The following EPS8L2 variants were observed in gnomAD, a reference collection of about 807,000 sequenced individuals.
EPS8L2 encodes epidermal growth factor receptor kinase substrate 8-like protein 2.
A neutral mutation model predicts 99.4 loss-of-function variants in EPS8L2; 81 were observed. The ratio of observed to expected loss-of-function variants is 0.82; its 90% confidence interval spans 0.68 to 0.98. The LOEUF is 0.98. Ranked by LOEUF, EPS8L2 falls within the 50% of genes least tolerant of loss-of-function variation. The pLI is 0.00. For synonymous variants in EPS8L2, 509 were observed against 407.3 expected (o/e 1.25, Z -3.01); for missense variants, 1,155 against 968.8 (o/e 1.19, Z -2.55).
chr11:726,592 C>T (rs1323683085), intron 19 of EPS8L2, 27 bp from the exon 20 acceptor site: 2 of 1,537,550 alleles, frequency 1.3e-6, no homozygotes, highest in African/African-American at 1.4e-5. Context: ...CACAGCGCGG[C>T]CCTGACGCCC....
intron 9 of EPS8L2, 54 bp downstream of exon 9, chr11:721,406 A>G: frequency 6.6e-7 from 1 of 1,525,482 alleles, no homozygotes. Context: ...CCAGCAGTGG[A>G]CACTGGTCCT....
At chr11:718,761 T>C (rs28794596) in intron 4 of EPS8L2, among the ~76,000 whole-genome samples, 94,658 of 150,548 alleles carry the variant, frequency 0.63, 31,695 homozygotes, top group African/African-American at 0.86. Context: ...CTCCGCCTCC[T>C]GGGTTCACGC....
In EPS8L2 at chr11:723,371, T is replaced by G. The variant is rs373311506; in HGVS notation, c.1454+18T>G. ...ACTCACAGGTAAGCCCCCCTCAAAG[T>G]GAGGGAGCATGAAAGTGAAACCCTT... On this transcript the variant is annotated intron_variant, in intron 15 of 20. Coordinates refer to ENST00000318562, the MANE Select transcript of EPS8L2 (RefSeq NM_022772.4). The G allele has an allele frequency of 2.6e-6, 3 of 1,161,510 alleles. No individual in the cohort carries two copies. Among genetic ancestry groups the G allele is most frequent in the Non-Finnish European group, 3.7e-6 (3 of 817,482 alleles). 72.0% of individuals were successfully genotyped at this position (1,161,510 alleles called of 1,614,324 possible).
rs934957546 is a variant in EPS8L2 at position 720,736 on chromosome 11, A to G, written c.467A>G (p.Asp156Gly). Reference protein sequence around the residue: ...SKPDVHFFHCDEVEAELVHED... With the variant: ...SKPDVHFFHCGEVEAELVHED... ...CCGGATGTCCACTTCTTCCACTGCG[A>G]TGAGGTGGAGGTGAGGCGGTGCCGG... Residue 156 changes from aspartate to glycine, a missense_variant, in exon 6 of 21, where the codon GAT (aspartate) becomes GGT (glycine). Physicochemically the swap from Asp to Gly is moderately conservative, Grantham distance 94. Transcript: ENST00000318562. 1 of 1,361,440 alleles carries G rather than the reference A, an allele frequency of 7.3e-7. No individual in the cohort carries two copies. Among genetic ancestry groups the G allele is most frequent in the Non-Finnish European group, 9.9e-7 (1 of 1,014,116 alleles). 84.3% of individuals were successfully genotyped at this position (1,361,440 alleles called of 1,614,324 possible). A position where few individuals can be genotyped will look rare whatever the true frequency, so the allele number is the denominator to read the frequency against.
chr11:722,701 C>T lies in EPS8L2; in HGVS notation c.1237C>T (p.Pro413Ser), dbSNP rs776268694. 7 of 1,608,734 alleles carry T rather than the reference C, an allele frequency of 4.4e-6. No homozygotes were observed. The South Asian group carries it at 7.8e-5, about 18-fold the overall frequency. Reference protein sequence around the residue: ...RSEWPREPQVPLYVPKFHSGW... With the variant: ...RSEWPREPQVSLYVPKFHSGW... Reference sequence around the variant, plus strand: ...CGAGTGGCCGCGGGAGCCACAGGTGCCCCTCTACGTGCCCAAGTTCCACAG... The same window carrying T: ...CGAGTGGCCGCGGGAGCCACAGGTGTCCCTCTACGTGCCCAAGTTCCACAG... Residue 413 changes from proline to serine, a missense_variant, in exon 14 of 21, where the codon CCC becomes TCC. Pro to Ser is a moderately conservative substitution (Grantham distance 74, BLOSUM62 -1). Coordinates refer to ENST00000318562, the MANE Select transcript of EPS8L2 (RefSeq NM_022772.4).
chr11:711,472 A>G (rs779621103), intron 4 of EPS8L2, among the ~76,000 whole-genome samples: 33 of 151,932 alleles, frequency 2.2e-4, no homozygotes, highest in Admixed American at 7.9e-4. Context: ...CAGCCTCCCC[A>G]GTAGCTGGGC....
In EPS8L2 at chr11:724,830, G is replaced by C. The variant is rs1419320911; in HGVS notation, c.1560+1G>C. ...GGTGCTCAAGGATGAGGTCCTAGAGGTGAGGGGCTGGAGGACGGGGTCCAA... is the reference window on the plus strand; with the variant it reads ...GGTGCTCAAGGATGAGGTCCTAGAGCTGAGGGGCTGGAGGACGGGGTCCAA... On this transcript the variant is annotated splice_donor_variant, in intron 16 of 20. Transcript: ENST00000318562. LOFTEE classifies it high-confidence loss of function. This position sits in a 1 kb window ranked among gnomAD's most constrained non-coding sequence, Gnocchi z 5.5. 1.9e-6 allele frequency: 3 copies of C among 1,606,152 alleles called. No individual in the cohort carries two copies. The highest frequency in any genetic ancestry group is 2.6e-6 in the Non-Finnish European group (3 of 1,173,402).
chr11:722,842 C>T (rs1862221231), intron 14 of EPS8L2, 37 bp downstream of exon 14: 2 of 1,432,826 alleles, frequency 1.4e-6, no homozygotes, highest in Non-Finnish European at 9.3e-7. Flanking sequence ...TACCCCAGCC[C>T]CAACACCCAC....
At chr11:722,924 ACCCCTCCCCAGTGCT>A (rs1862227276) in intron 14 of EPS8L2, 119 bp downstream of exon 14, 6 of 253,264 alleles carry the variant, frequency 2.4e-5, no homozygotes, top group Non-Finnish European at 1.9e-5. Flanking sequence ...CCTGACACCC[ACCCCTCCCCAGTGCT>A]CCCCTCCCCA....
At chr11:722,206 C>A in intron 12 of EPS8L2, 41 bp downstream of exon 12, 1 of 1,597,082 alleles carries the variant, frequency 6.3e-7, no homozygotes, top group East Asian at 2.2e-5. Flanking sequence ...GGGTGGGGGC[C>A]CAGAGGCCTC....
At chr11:720,943 CGGGG>C in intron 7 of EPS8L2, 34 bp downstream of exon 7, 2 of 502,466 alleles carry the variant, frequency 4.0e-6, no homozygotes, top group South Asian at 2.3e-5. Flanking sequence ...TCGCAGGGGG[CGGGG>C]AGGGGAGGAG....
chr11:722,537 G>T lies in EPS8L2; in HGVS notation c.1196G>T (p.Trp399Leu). ...CTGTGGGAGTCACTGGGAGAGAGCT[G>T]GATGCGGCCCCGGTAGGGCAGGGCA... Reference protein sequence around the residue: ...MSLWESLGESWMRPRSEWPRE... With the variant: ...MSLWESLGESLMRPRSEWPRE... Residue 399 changes from tryptophan (W) to leucine (L), a missense_variant, in exon 13 of 21, where the codon TGG becomes TTG. Coordinates refer to ENST00000318562, the MANE Select transcript of EPS8L2 (RefSeq NM_022772.4). 6.2e-7 allele frequency: 1 copy of T among 1,613,076 alleles called. No homozygotes were observed.
Position 724,730 on chromosome 11 carries a change from C to T in EPS8L2, c.1461C>T (p.Tyr487=). The change falls in exon 16 of 21, where the codon TAC becomes TAT. Residue 487 remains tyrosine (Y), a synonymous_variant. Transcript: ENST00000318562. This position sits in a 1 kb window ranked among gnomAD's most constrained non-coding sequence, Gnocchi z 5.5. ...PVSSPHTHRG[Y]QPTPAMAKYV... is the part of the protein sequence containing the mutation. ...CCCCTCCTGTTCCTCACAGGGGCTA[C>T]CAGCCAACACCAGCCATGGCCAAGT... The T allele has an allele frequency of 6.2e-7, 1 of 1,612,724 alleles. No individual in the cohort carries two copies. Among genetic ancestry groups the T allele is most frequent in the Non-Finnish European group, 8.5e-7 (1 of 1,179,452 alleles).
At chr11:715,627 T>G (rs533183531) in intron 4 of EPS8L2, among the ~76,000 whole-genome samples, 24 of 145,284 alleles carry the variant, frequency 1.7e-4, no homozygotes, top group East Asian at 1.2e-3. Context: ...TGTTTTTTTT[T>G]TTTTTTTTTT....
At chr11:710,148 A>T in intron 3 of EPS8L2, 1 of 455,948 alleles carries the variant, frequency 2.2e-6, no homozygotes, top group Non-Finnish European at 4.0e-6. Context: ...CGGGACAGAA[A>T]CCCCCCGGGC....
chr11:718,705 G>C (rs1273328500), intron 4 of EPS8L2, among the ~76,000 whole-genome samples: 1 of 143,320 alleles, frequency 7.0e-6, no homozygotes, highest in Non-Finnish European at 1.5e-5. Flanking sequence ...GTCTCACTCT[G>C]TCGCCCAGGC....
At chr11:707,016 G>A (rs1341737301) in intron 1 of EPS8L2, among the ~76,000 whole-genome samples, 2 of 151,934 alleles carry the variant, frequency 1.3e-5, no homozygotes, top group Non-Finnish European at 2.9e-5. Context: ...GGGAGGGGGA[G>A]GCAGGGCCGG....
Position 722,782 on chromosome 11 carries a change from C to T in EPS8L2, c.1318C>T (p.Leu440=), listed in dbSNP as rs780933272. 6.3e-7 allele frequency: 1 copy of T among 1,591,006 alleles called. No homozygotes were observed. Among genetic ancestry groups the T allele is most frequent in the South Asian group, 1.1e-5 (1 of 88,366 alleles). Residue 440 remains leucine (L), a synonymous_variant, in exon 14 of 21, where the codon CTG becomes TTG. Coordinates refer to ENST00000318562, the MANE Select transcript of EPS8L2 (RefSeq NM_022772.4). ...LQEAPWEVEG[L]ASAPIEEVSP... ...GGAGGCCCCCTGGGAGGTGGAGGGGCTGGCGTCTGCCCCCATCGAGGAGGT... is the reference window on the plus strand; with the variant it reads ...GGAGGCCCCCTGGGAGGTGGAGGGGTTGGCGTCTGCCCCCATCGAGGAGGT...
intron 4 of EPS8L2, 23 bp from the exon 5 acceptor site, chr11:720,038 CA>C (rs1450439909): frequency 1.2e-6 from 2 of 1,601,172 alleles, no homozygotes; most frequent in Non-Finnish European, 1.7e-6. Flanking sequence ...CTCTGCCCAG[CA>C]GTGACCACCT....
Sources: gnomAD v4.1 joint callset for allele counts (sites outside exome capture counted in the v4.1 genomes callset) on GRCh38, gnomAD v4.1.1 for gene constraint, Gnocchi (gnomAD v3.1) non-coding constraint, MANE v1.5 for transcripts, NCBI Gene and HGNC (gene_info 2026-07-23, HGNC 2026-07-21) for gene names.